The following TESMIN variants were observed in gnomAD, a reference collection of about 807,000 sequenced individuals.
The protein encoded by TESMIN is testis expressed metallothionein like protein.
Under a neutral mutation model 47.4 loss-of-function variants are expected in TESMIN, and 34 were observed. The ratio of observed to expected loss-of-function variants is 0.72; its 90% CI spans 0.55 to 0.96. The LOEUF is 0.96. TESMIN is among the 40% of genes least tolerant of loss of function. The probability of loss-of-function intolerance (pLI) is 0.00; values close to 1 mark genes in which losing one functional copy is unlikely to be tolerated. For missense variants in TESMIN, 610 were observed against 637.2 expected, an observed-to-expected ratio of 0.96 and a Z score of 0.46; for synonymous variants, 278 against 258.9, an observed-to-expected ratio of 1.07 and a Z score of -0.71.
Position 68,710,656 on chromosome 11 carries a change from A to G in TESMIN, c.1334+218T>C. ...ACTCAGACAGTGAGGATGAGAAGAC[A>G]AAGAGGACAAAACAGGTTTCTGCAG... is the stretch of plus-strand genomic sequence containing the variant. On this transcript the variant is annotated intron_variant, in intron 9 of 9. Transcript: ENST00000255087. 5.8e-6 allele frequency: 3 copies of G among 514,664 alleles called. No individual in the cohort carries two copies. The East Asian group carries it at 9.7e-5, about 17-fold the overall frequency. 31.9% of individuals were successfully genotyped at this position (514,664 alleles called of 1,614,324 possible).
chr11:68,737,011 G>A (rs1946395090), intron 6 of TESMIN: 2 of 985,286 alleles, frequency 2.0e-6, no homozygotes, highest in Non-Finnish European at 2.4e-6. Flanking sequence ...GTCCTTGAAT[G>A]TTCTAGACAC....
intron 3 of TESMIN, among the ~76,000 whole-genome samples, chr11:68,745,966 C>A (rs1195771100): frequency 6.6e-6 from 1 of 152,214 alleles, no homozygotes; most frequent in Non-Finnish European, 1.5e-5. Context: ...CTACACAGAG[C>A]AGCTGTGCTT....
At chr11:68,714,798 T>C (rs1946116532) in intron 7 of TESMIN, among the ~76,000 whole-genome samples, 1 of 152,242 alleles carries the variant, frequency 6.6e-6, no homozygotes, top group South Asian at 2.1e-4. Flanking sequence ...GGCTGGATCA[T>C]AGCATACACA....
rs144562799 is a variant in TESMIN, at chr11:68,720,101, G to A, written c.918-4162C>T. Among the ~76,000 whole-genome samples the A allele has an allele frequency of 4.3e-3, 648 of 152,290 alleles. 3 individuals carry two copies. Among genetic ancestry groups the A allele is most frequent in the Non-Finnish European group, 7.0e-3 (479 of 68,022 alleles). On this transcript the variant is annotated intron_variant, in intron 6 of 9. Coordinates refer to ENST00000255087, the MANE Select transcript of TESMIN (RefSeq NM_004923.3). ...TTGTTAGAAATAATGGGAAACAGCA[G>A]ACTGTTTTCAAAGCATTGGCAGAAA...
intron 6 of TESMIN, chr11:68,736,953 G>T: frequency 3.0e-6 from 3 of 985,462 alleles, no homozygotes; most frequent in Non-Finnish European, 3.6e-6. Context: ...GCCTCAGAGG[G>T]TGCTGCAACT....
chr11:68,724,985 T>C (rs771692273), intron 6 of TESMIN, among the ~76,000 whole-genome samples: 1 of 152,134 alleles, frequency 6.6e-6, no homozygotes, highest in Non-Finnish European at 1.5e-5. Flanking sequence ...CTAGCCAGTA[T>C]AATAAGGCAA....
At chr11:68,734,344 G>C (rs2153991973) in intron 6 of TESMIN, among the ~76,000 whole-genome samples, 1 of 152,268 alleles carries the variant, frequency 6.6e-6, no homozygotes, top group African/African-American at 2.4e-5. Context: ...CGTGTCTCTG[G>C]GTGTTGCTAA....
Position 68,750,904 on chromosome 11 carries a change from G to A in TESMIN, c.-39-205C>T, listed in dbSNP as rs1184259759. Among the ~76,000 whole-genome samples, 3 of 124,134 alleles carry A rather than the reference G, an allele frequency of 2.4e-5. No homozygotes were observed. In the East Asian group the frequency reaches 7.5e-4, roughly 31 times the overall value. 81.4% of individuals were successfully genotyped at this position (124,134 alleles called of 152,430 possible). On this transcript the variant is annotated intron_variant, in intron 1 of 9. Coordinates refer to ENST00000255087, the MANE Select transcript of TESMIN (RefSeq NM_004923.3). The stretch of plus-strand genomic sequence containing the variant: ...GAAGGGCGACCAGGTGAGGGGGTCA[G>A]GGGAGGGGCGACCAGATGAGGGGCG...
At chr11:68,709,848 G>A (rs1946041948) in intron 9 of TESMIN, among the ~76,000 whole-genome samples, 1 of 152,146 alleles carries the variant, frequency 6.6e-6, no homozygotes, top group Admixed American at 6.5e-5. Flanking sequence ...AATGCAGCCA[G>A]GTTTTGGTAA....
chr11:68,723,276 T>C (rs1158845513), intron 6 of TESMIN, among the ~76,000 whole-genome samples: 2 of 151,838 alleles, frequency 1.3e-5, no homozygotes, highest in Non-Finnish European at 2.9e-5. Context: ...TACACATATA[T>C]GTATATATAA....
Position 68,742,332 on chromosome 11 carries a change from G to C in TESMIN, c.814C>G (p.Leu272Val). The C allele has an allele frequency of 1.3e-6, 2 of 1,594,076 alleles. No individual in the cohort carries two copies. Among genetic ancestry groups the C allele is most frequent in the Non-Finnish European group, 1.7e-6 (2 of 1,165,796 alleles). Residue 272 changes from leucine (L) to valine (V), a missense_variant, in exon 5 of 10, where the codon CTC becomes GTC. By Grantham distance (32) the Leu-to-Val change is conservative. Transcript: ENST00000255087. ...RFLPASTKLN[L>V]ITQQLEGALP... is the part of the protein sequence containing the mutation. ...CAATGACTCACTTGTTGTGTAATGA[G>C]ATTTAATTTTGTTGATGCTGGCAAA... is the stretch of plus-strand genomic sequence containing the variant.
At chr11:68,740,300 C>T (rs1946440870) in intron 5 of TESMIN, among the ~76,000 whole-genome samples, 1 of 152,158 alleles carries the variant, frequency 6.6e-6, no homozygotes, top group Non-Finnish European at 1.5e-5. Context: ...ATATACAGAA[C>T]TGGGGTCTGG....
chr11:68,746,170 T>TAC (rs56975910), intron 3 of TESMIN, among the ~76,000 whole-genome samples: 75,626 of 149,440 alleles, frequency 0.51, 19,834 homozygotes, highest in East Asian at 0.74. Context: ...AAGTTATAGC[T>TAC]ACACACACAC....
Position 68,750,718 on chromosome 11 carries a change from T to C in TESMIN, c.-39-19A>G. 1.6e-6 allele frequency: 2 copies of C among 1,267,840 alleles called. No homozygotes were observed. Among genetic ancestry groups the C allele is most frequent in the Non-Finnish European group, 2.1e-6 (2 of 966,410 alleles). The allele number at this position is 1,267,840 out of a possible 1,614,324, so 78.5% of individuals were successfully genotyped here. A position where few individuals can be genotyped will look rare whatever the true frequency, so the allele number is the denominator to read the frequency against. ...CGCGCACCTGCAACACGCGGCCAGG[T>C]GAGAGGCAGCCAGAGGAGAGGACGA... On this transcript the variant is annotated intron_variant, in intron 1 of 9. Coordinates refer to ENST00000255087, the MANE Select transcript of TESMIN (RefSeq NM_004923.3).
chr11:68,738,767 C>T lies in TESMIN; in HGVS notation c.850G>A (p.Val284Ile). ...GAGGGGAAAGCAGACCCGTTGACTA[C>T]CGATGGTAAGGCTCCCTCAAGCTGT... ...TQQLEGALPS[V>I]VNGSAFPSGS... is the part of the protein sequence containing the mutation. Residue 284 changes from valine to isoleucine, a missense_variant, in exon 6 of 10, where the codon GTA (valine) becomes ATA (isoleucine). Transcript: ENST00000255087. 2 of 1,613,984 alleles carry T rather than the reference C, an allele frequency of 1.2e-6. No homozygotes were observed. The highest frequency in any genetic ancestry group is 1.1e-5 in the South Asian group (1 of 91,076).
intron 6 of TESMIN, chr11:68,737,239 C>CA: frequency 1.0e-6 from 1 of 985,432 alleles, no homozygotes; most frequent in Non-Finnish European, 1.2e-6. Context: ...CCATCACACC[C>CA]AGAGAGTGAA....
intron 8 of TESMIN, among the ~76,000 whole-genome samples, chr11:68,711,920 G>A (rs540549569): frequency 6.6e-6 from 1 of 152,338 alleles, no homozygotes; most frequent in East Asian, 1.9e-4. Flanking sequence ...TGGGCCCCAG[G>A]GGCTGACCAA....
At chr11:68,743,464 G>A (rs867943342) in intron 4 of TESMIN, among the ~76,000 whole-genome samples, 4 of 151,830 alleles carry the variant, frequency 2.6e-5, no homozygotes, top group Admixed American at 1.3e-4. Context: ...ACCCAGGCTG[G>A]TCTTGAACTC....
intron 5 of TESMIN, among the ~76,000 whole-genome samples, chr11:68,739,246 C>A (rs777988960): frequency 6.6e-6 from 1 of 152,100 alleles, no homozygotes; most frequent in Non-Finnish European, 1.5e-5. Flanking sequence ...ATTTTGTAAC[C>A]AGTTTTAACA....
Sources: allele counts gnomAD v4.1 joint callset (sites outside exome capture counted in the v4.1 genomes callset), GRCh38; gene constraint gnomAD v4.1.1; transcripts MANE v1.5; gene names NCBI Gene and HGNC (gene_info 2026-07-23, HGNC 2026-07-21).